FAM222A: variants seen among roughly 807,000 people sequenced by gnomAD.
FAM222A encodes the protein protein FAM222A.
A neutral mutation model predicts 25.8 loss-of-function variants in FAM222A; 7 were observed. That is an observed-to-expected ratio of 0.27 (90% CI 0.15 to 0.51). FAM222A has a LOEUF of 0.51. Ranked by LOEUF, FAM222A falls within the 20% of genes least tolerant of loss-of-function variation. FAM222A has a pLI of 0.97. For synonymous variants in FAM222A, 294 were observed against 298.8 expected, an observed-to-expected ratio of 0.98 and a Z score of 0.17; for missense variants, 573 against 640.5, an observed-to-expected ratio of 0.89 and a Z score of 1.14.
At chr12:109,737,585 T>TAAACAAAAAAAA (rs1888120846) in intron 1 of FAM222A, among the ~76,000 whole-genome samples, 1 of 138,888 alleles carries the variant, frequency 7.2e-6, no homozygotes. Context: ...CCCCCAACCT[T>TAAACAAAAAAAA]AAAAAAAAAA....
Position 109,765,012 on chromosome 12 carries a change from G to A in FAM222A, c.83-3000G>A, listed in dbSNP as rs74665569. 6.3e-3 allele frequency among the ~76,000 whole-genome samples: 957 copies of A among 152,224 alleles called. 52 individuals carry two copies. In the East Asian group the frequency reaches 0.15, roughly 23 times the overall value. On this transcript the variant is annotated intron_variant, in intron 2 of 2. Coordinates refer to ENST00000538780, the MANE Select transcript of FAM222A (RefSeq NM_032829.3). ...CCAGCCCCAGTGAGGCCAGATGAACGGAGAGCCACCTACTTCTTCACTCCC... is the reference window on the plus strand; with the variant it reads ...CCAGCCCCAGTGAGGCCAGATGAACAGAGAGCCACCTACTTCTTCACTCCC...
chr12:109,750,663 T>C (rs948279028), intron 2 of FAM222A, among the ~76,000 whole-genome samples: 3 of 152,156 alleles, frequency 2.0e-5, no homozygotes, highest in African/African-American at 7.2e-5. Flanking sequence ...GTTCACCCAT[T>C]GTCTGAAGTT....
intron 1 of FAM222A, among the ~76,000 whole-genome samples, chr12:109,743,807 C>T (rs1888311400): frequency 6.6e-6 from 1 of 152,194 alleles, no homozygotes; most frequent in South Asian, 2.1e-4. Context: ...TTGGGGGCAT[C>T]AGGGCAGGCC....
In FAM222A at chr12:109,713,850, C is replaced by G. The variant is rs975867709; in HGVS notation, c.-1094C>G. On this transcript the variant is annotated 5_prime_UTR_variant, in exon 1 of 3. Coordinates refer to ENST00000538780, the MANE Select transcript of FAM222A (RefSeq NM_032829.3). ...AGTCGGGCCAGAGCGGAGCAGCGGGCAGGACTGCCTGGCCGGCTGCTCCGC... is the reference window on the plus strand; with the variant it reads ...AGTCGGGCCAGAGCGGAGCAGCGGGGAGGACTGCCTGGCCGGCTGCTCCGC... 5.3e-5 allele frequency among the ~76,000 whole-genome samples: 8 copies of G among 150,270 alleles called. No homozygotes were observed. The highest frequency in any genetic ancestry group is 2.0e-4 in the East Asian group (1 of 5,122).
At chr12:109,753,628 T>G (rs1888624564) in intron 2 of FAM222A, among the ~76,000 whole-genome samples, 1 of 151,464 alleles carries the variant, frequency 6.6e-6, no homozygotes, top group Admixed American at 6.6e-5. Flanking sequence ...CCCATATTGC[T>G]CGTGATAGAT....
intron 2 of FAM222A, among the ~76,000 whole-genome samples, chr12:109,765,274 C>T (rs1397489850): frequency 6.6e-6 from 1 of 152,224 alleles, no homozygotes; most frequent in African/African-American, 2.4e-5. Flanking sequence ...TAGTGGCATC[C>T]CAGGCCATGA....
chr12:109,761,495 G>A (rs950516659), intron 2 of FAM222A, among the ~76,000 whole-genome samples: 5 of 152,252 alleles, frequency 3.3e-5, no homozygotes, highest in Middle Eastern at 3.4e-3. Flanking sequence ...CCCATAACCC[G>A]GGCCCTCTTC....
chr12:109,769,095 C>A lies in FAM222A; in HGVS notation c.1166C>A (p.Ser389Ter). Residue 389 changes from serine (S) to a stop codon, truncating the protein, a stop_gained, in exon 3 of 3, where the codon TCG becomes TAG. Transcript: ENST00000538780. LOFTEE classifies it high-confidence loss of function. ...GCTGGGCCCCCTGCAGATGCCCTCT[C>A]GGGCCTGCCCAGCAAGAGTGTGTGC... ...ELAGPPADAL[S>*]GLPSKSVCNT... 1 of 1,607,648 alleles carries A rather than the reference C, an allele frequency of 6.2e-7. No homozygotes were observed. Among genetic ancestry groups the A allele is most frequent in the African/African-American group, 1.3e-5 (1 of 74,950 alleles).
intron 2 of FAM222A, among the ~76,000 whole-genome samples, chr12:109,767,799 A>G (rs916044614): frequency 5.9e-5 from 9 of 152,238 alleles, no homozygotes; most frequent in African/African-American, 1.7e-4. Flanking sequence ...CCTGGGTACC[A>G]TAAAACAGGT....
chr12:109,732,458 G>A (rs1347429119), intron 1 of FAM222A, among the ~76,000 whole-genome samples: 2 of 152,210 alleles, frequency 1.3e-5, no homozygotes, highest in East Asian at 1.9e-4. Context: ...CTGCCCGGCC[G>A]CCTGCCCAGC....
chr12:109,758,479 C>A (rs558668808), intron 2 of FAM222A, among the ~76,000 whole-genome samples: 1 of 152,300 alleles, frequency 6.6e-6, no homozygotes, highest in East Asian at 1.9e-4. Flanking sequence ...GGATTCACAC[C>A]TGTGGCTGAC....
intron 2 of FAM222A, among the ~76,000 whole-genome samples, chr12:109,756,392 CTTT>C (rs35171962): frequency 0.019 from 2,385 of 124,366 alleles, 43 homozygotes; most frequent in African/African-American, 0.057. Context: ...AATATGAATG[CTTT>C]TTTTTTTTTT....
At chr12:109,737,961 G>A (rs1041986235) in intron 1 of FAM222A, among the ~76,000 whole-genome samples, 1 of 152,126 alleles carries the variant, frequency 6.6e-6, no homozygotes, top group Non-Finnish European at 1.5e-5. Flanking sequence ...TGAGACAAGC[G>A]GGGTGGGAGA....
At chr12:109,728,225 G>A (rs1887878626) in intron 1 of FAM222A, among the ~76,000 whole-genome samples, 1 of 152,174 alleles carries the variant, frequency 6.6e-6, no homozygotes, top group African/African-American at 2.4e-5. Flanking sequence ...TCTCCCAGGA[G>A]CATAATCATG....
intron 2 of FAM222A, among the ~76,000 whole-genome samples, chr12:109,749,234 G>C (rs1168710957): frequency 1.3e-5 from 2 of 152,134 alleles, no homozygotes; most frequent in Non-Finnish European, 2.9e-5. Flanking sequence ...AGCCTCCTGA[G>C]TAGCTGGGAT....
At chr12:109,760,501 C>G (rs1888862010) in intron 2 of FAM222A, among the ~76,000 whole-genome samples, 1 of 152,332 alleles carries the variant, frequency 6.6e-6, no homozygotes, top group South Asian at 2.1e-4. Flanking sequence ...CCAGTGGTCT[C>G]AAACTGGCAG....
intron 1 of FAM222A, among the ~76,000 whole-genome samples, chr12:109,720,734 C>T (rs1887731751): frequency 6.6e-6 from 1 of 152,260 alleles, no homozygotes; most frequent in Admixed American, 6.5e-5. Context: ...GCCCCAGTTG[C>T]CTTGAAAGGT....
chr12:109,750,494 T>G (rs925807385), intron 2 of FAM222A, among the ~76,000 whole-genome samples: 3 of 152,206 alleles, frequency 2.0e-5, no homozygotes, highest in Admixed American at 1.3e-4. Context: ...AGTCTACTTA[T>G]AATCTTGTCC....
chr12:109,723,410 T>C (rs1887784665), intron 1 of FAM222A, among the ~76,000 whole-genome samples: 1 of 152,198 alleles, frequency 6.6e-6, no homozygotes, highest in African/African-American at 2.4e-5. Flanking sequence ...GGCCGGAGGT[T>C]CTGGCACCTC....
Sources: allele counts gnomAD v4.1 joint callset (sites outside exome capture counted in the v4.1 genomes callset), GRCh38; gene constraint gnomAD v4.1.1; transcripts MANE v1.5; gene names NCBI Gene and HGNC (gene_info 2026-07-23, HGNC 2026-07-21).